KALRN: variants seen among roughly 807,000 people sequenced by gnomAD.
KALRN encodes kalirin.
In KALRN, 70 loss-of-function variants were observed where a neutral mutation model predicts 353.7. That is an observed-to-expected ratio of 0.20 (90% confidence interval 0.16 to 0.24). The LOEUF is 0.24. KALRN is among the 10% of genes least tolerant of loss of function. The pLI is 1.00. For synonymous variants in KALRN, 1,391 were observed against 1,434.8 expected, an observed-to-expected ratio of 0.97 and a Z score of 0.69; for missense variants, 2,791 against 3,756.7, an observed-to-expected ratio of 0.74 and a Z score of 6.72.
intron 37 of KALRN, among the ~76,000 whole-genome samples, chr3:124,637,797 C>T (rs936788057): frequency 6.6e-6 from 1 of 152,120 alleles, no homozygotes; most frequent in African/African-American, 2.4e-5. Context: ...TACCTCACCA[C>T]AATAAATTAA....
chr3:124,520,897 T>C (rs2067108025), intron 33 of KALRN, among the ~76,000 whole-genome samples: 1 of 152,170 alleles, frequency 6.6e-6, no homozygotes, highest in African/African-American at 2.4e-5. Context: ...TAACTTAAAC[T>C]CACAGCCAGA....
Position 124,269,108 on chromosome 3 carries a change from T to C in KALRN, c.822T>C (p.Ala274=), listed in dbSNP as rs145330536. The change falls in exon 5 of 60, where the codon GCT becomes GCC. Residue 274 remains alanine (A), a synonymous_variant. Coordinates refer to ENST00000682506, the MANE Select transcript of KALRN (RefSeq NM_001388419.1). ...GACGCAACTGCATCCCGGGCAGTGC[T>C]GACTTCCAGAGCCTGGTGCCCAAGA... is the stretch of plus-strand genomic sequence containing the variant. The part of the protein sequence containing the change: ...FSGRNCIPGS[A]DFQSLVPKIT... The C allele has an allele frequency of 8.0e-5, 129 of 1,613,222 alleles. No individual in the cohort carries two copies. The African/African-American group carries it at 1.4e-3, about 17-fold the overall frequency.
intron 37 of KALRN, among the ~76,000 whole-genome samples, chr3:124,644,689 G>A (rs983740920): frequency 1.2e-4 from 18 of 152,176 alleles, no homozygotes; most frequent in African/African-American, 4.3e-4. Context: ...GTATTCCATG[G>A]TGTATATGTG....
At chr3:124,490,673 G>A (rs1395361657) in intron 29 of KALRN, 21 bp from the exon 30 acceptor site, 6 of 1,609,288 alleles carry the variant, frequency 3.7e-6, no homozygotes, top group Non-Finnish European at 5.1e-6. Flanking sequence ...ACTCCACAGG[G>A]TGGAAATGGA....
chr3:124,555,435 A>C (rs896882616), intron 33 of KALRN, among the ~76,000 whole-genome samples: 2 of 148,144 alleles, frequency 1.4e-5, no homozygotes, highest in Non-Finnish European at 3.0e-5. Context: ...ATAAATAAAT[A>C]AATAAATAAA....
intron 39 of KALRN, among the ~76,000 whole-genome samples, chr3:124,656,832 G>A (rs943565123): frequency 2.0e-5 from 3 of 152,048 alleles, no homozygotes; most frequent in Non-Finnish European, 2.9e-5. Context: ...TTGTCTTTTT[G>A]TGGGGCTGGG....
chr3:124,366,909 G>A (rs1164553661), intron 10 of KALRN, among the ~76,000 whole-genome samples: 2,413 of 127,578 alleles, frequency 0.019, 111 homozygotes, highest in African/African-American at 0.085. Flanking sequence ...CCTCCCGGAT[G>A]GGGTGGCTGG....
chr3:124,360,442 C>T (rs35907982), intron 10 of KALRN, among the ~76,000 whole-genome samples: 29,350 of 152,208 alleles, frequency 0.19, 2,947 homozygotes, highest in Middle Eastern at 0.23. Context: ...AGAACAGACT[C>T]TCCCTTCTAA....
chr3:124,687,762 A>G (rs1318589305), intron 51 of KALRN, among the ~76,000 whole-genome samples: 2 of 152,038 alleles, frequency 1.3e-5, no homozygotes, highest in African/African-American at 4.8e-5. Context: ...TCCTCCAAGC[A>G]CAATGCAATT....
At chr3:124,617,864 T>C (rs900977687) in intron 34 of KALRN, among the ~76,000 whole-genome samples, 4 of 152,274 alleles carry the variant, frequency 2.6e-5, no homozygotes, top group African/African-American at 9.6e-5. Flanking sequence ...ATCGTGGAAC[T>C]ACCATAAAAA....
At chr3:124,401,123 G>T (rs2090809953) in intron 13 of KALRN, among the ~76,000 whole-genome samples, 1 of 152,152 alleles carries the variant, frequency 6.6e-6, no homozygotes, top group African/African-American at 2.4e-5. Flanking sequence ...CAAAGCATAT[G>T]GAGAAAATAT....
intron 10 of KALRN, among the ~76,000 whole-genome samples, chr3:124,361,843 G>T (rs570458517): frequency 3.8e-3 from 574 of 152,012 alleles, no homozygotes; most frequent in Non-Finnish European, 6.3e-3. Flanking sequence ...CAGCAGTGGG[G>T]GTGGGGAGTA....
chr3:124,525,318 T>C (rs1349604698), intron 33 of KALRN, among the ~76,000 whole-genome samples: 6 of 152,206 alleles, frequency 3.9e-5, no homozygotes, highest in Non-Finnish European at 8.8e-5. Flanking sequence ...AGTTATTCTA[T>C]CTGTAAGGAT....
chr3:124,179,071 C>CA (rs2073190795), intron 1 of KALRN, among the ~76,000 whole-genome samples: 1 of 151,964 alleles, frequency 6.6e-6, no homozygotes, highest in Admixed American at 6.6e-5. Context: ...CACACTATGG[C>CA]ATTCCAGCCT....
At chr3:124,390,130 C>T (rs1208448476) in intron 11 of KALRN, among the ~76,000 whole-genome samples, 1 of 152,170 alleles carries the variant, frequency 6.6e-6, no homozygotes, top group Admixed American at 6.5e-5. Context: ...AAGCATTGAC[C>T]CGAGTCCTCA....
At chr3:124,304,127 A>AACACACACACACAC (rs3055892) in intron 6 of KALRN, among the ~76,000 whole-genome samples, 2,731 of 147,454 alleles carry the variant, frequency 0.019, 103 homozygotes, top group East Asian at 0.16. Flanking sequence ...TTTTGTTGTA[A>AACACACACACACAC]ACACACACAC....
intron 16 of KALRN, among the ~76,000 whole-genome samples, chr3:124,431,482 C>T (rs779192634): frequency 6.6e-6 from 1 of 152,116 alleles, no homozygotes; most frequent in Non-Finnish European, 1.5e-5. Flanking sequence ...AGGACATTGT[C>T]CTTCCCAGAG....
At chr3:124,198,706 TG>T (rs2075676685) in intron 1 of KALRN, among the ~76,000 whole-genome samples, 1 of 152,228 alleles carries the variant, frequency 6.6e-6, no homozygotes, top group African/African-American at 2.4e-5. Flanking sequence ...ATTTTGTGCA[TG>T]TATGTATACA....
chr3:124,236,359 A>G (rs2079762715), intron 3 of KALRN, among the ~76,000 whole-genome samples: 1 of 152,166 alleles, frequency 6.6e-6, no homozygotes, highest in Non-Finnish European at 1.5e-5. Context: ...AGACTAAATA[A>G]CTCGTGATTG....
Sources: gnomAD v4.1 joint callset for allele counts (sites outside exome capture counted in the v4.1 genomes callset) on GRCh38, gnomAD v4.1.1 for gene constraint, MANE v1.5 for transcripts, NCBI Gene and HGNC (gene_info 2026-07-23, HGNC 2026-07-21) for gene names.